ATP11B: variants seen among roughly 807,000 people sequenced by gnomAD.
ATP11B encodes the protein ATPase phospholipid transporting 11B (putative), also known as phospholipid-transporting ATPase IF.
ATP11B carries 81 observed loss-of-function variants against 157.8 expected under a neutral mutation model. The ratio of observed to expected loss-of-function variants is 0.51; its 90% CI spans 0.43 to 0.62. The LOEUF (loss-of-function observed/expected upper bound fraction) is 0.62, where lower values mean the gene tolerates loss of function less well. ATP11B is among the 20% of genes least tolerant of loss of function. The probability of loss-of-function intolerance (pLI) is 0.00; values close to 1 mark genes in which losing one functional copy is unlikely to be tolerated. For missense variants in ATP11B, 1,165 were observed against 1,402.2 expected (o/e 0.83, Z 2.70); for synonymous variants, 451 against 469.4 (o/e 0.96, Z 0.51).
At chr3:182,917,839 C>T in intron 29 of ATP11B, 184 bp from the exon 30 acceptor site, 1 of 981,438 alleles carries the variant, frequency 1.0e-6, no homozygotes, top group Non-Finnish European at 1.2e-6. Flanking sequence ...CATTATTTTT[C>T]CCAAGTTTTT....
chr3:182,900,963 C>T (rs778914537), intron 28 of ATP11B, among the ~76,000 whole-genome samples: 17 of 151,784 alleles, frequency 1.1e-4, no homozygotes, highest in Non-Finnish European at 2.5e-4. Context: ...AGGTGGATCA[C>T]GAGGTCAGGA....
intron 25 of ATP11B, among the ~76,000 whole-genome samples, chr3:182,896,113 G>T (rs551247977): frequency 6.6e-6 from 1 of 152,272 alleles, no homozygotes; most frequent in South Asian, 2.1e-4. Context: ...GGGGTTCTGC[G>T]TGATTAATAC....
chr3:182,868,691 A>G (rs973354942), intron 15 of ATP11B, among the ~76,000 whole-genome samples: 6 of 152,310 alleles, frequency 3.9e-5, no homozygotes, highest in Non-Finnish European at 5.9e-5. Flanking sequence ...TTTTAGTCAG[A>G]AAAACATGGA....
At chr3:182,846,507 C>T (rs139660432) in intron 9 of ATP11B, among the ~76,000 whole-genome samples, 19 of 152,128 alleles carry the variant, frequency 1.2e-4, no homozygotes, top group African/African-American at 2.2e-4. Flanking sequence ...AGTGTTCAAA[C>T]GAAAACTTCT....
At chr3:182,907,816 A>T (rs189806026) in intron 28 of ATP11B, among the ~76,000 whole-genome samples, 53 of 152,318 alleles carry the variant, frequency 3.5e-4, no homozygotes, top group Admixed American at 8.5e-4. Context: ...TGGATATTTC[A>T]TATGATGTGG....
At chr3:182,892,574 CT>C (rs529868305) in intron 25 of ATP11B, among the ~76,000 whole-genome samples, 1 of 150,896 alleles carries the variant, frequency 6.6e-6, no homozygotes, top group African/African-American at 2.4e-5. Flanking sequence ...GACTTTATCC[CT>C]TTTTTTTTGT....
At position 182,896,705 on chromosome 3, in the gene ATP11B, T is replaced by C. The variant is rs4859142; in HGVS notation, c.2988T>C (p.Phe996=). The C allele has an allele frequency of 0.11, 176,641 of 1,609,716 alleles. 11,745 individuals are homozygous for C. Among genetic ancestry groups the C allele is most frequent in the African/African-American group, 0.31 (23,313 of 74,762 alleles). The change falls in exon 26 of 30, where the codon TTT becomes TTC. Residue 996 remains phenylalanine, a synonymous_variant. Transcript: ENST00000323116. ...AGTGTATTCTTTCTGTTTAGATGTT[T>C]GGAAACTGGACATTTGGCACTTTGG... The part of the protein sequence containing the change: ...DTSLLGNGQM[F]GNWTFGTLVF...
At chr3:182,872,781 A>G (rs1721760371) in intron 18 of ATP11B, among the ~76,000 whole-genome samples, 1 of 152,218 alleles carries the variant, frequency 6.6e-6, no homozygotes, top group Non-Finnish European at 1.5e-5. Flanking sequence ...AATCTTTAGA[A>G]TACTCCTCAG....
At position 182,857,910 on chromosome 3, in the gene ATP11B, T is replaced by C; in HGVS notation, c.884T>C (p.Val295Ala). 1 of 1,556,022 alleles carries C rather than the reference T, an allele frequency of 6.4e-7. No individual in the cohort carries two copies. The highest frequency in any genetic ancestry group is 8.9e-7 in the Non-Finnish European group (1 of 1,129,312). ...AATACATTTTTGATAATTTATCTAG[T>C]AATTCTTATATCTGAAGCTGTCATC... is the stretch of plus-strand genomic sequence containing the variant. ...SMNTFLIIYLVILISEAVIST... is the reference protein window; with the variant it reads ...SMNTFLIIYLAILISEAVIST... Residue 295 changes from valine (V) to alanine (A), a missense_variant, in exon 11 of 30, where the codon GTA (valine) becomes GCA (alanine). Physicochemically the swap from Val to Ala is moderately conservative, Grantham distance 64. Coordinates refer to ENST00000323116, the MANE Select transcript of ATP11B (RefSeq NM_014616.3).
intron 21 of ATP11B, among the ~76,000 whole-genome samples, chr3:182,883,954 C>CAAAAA (rs1170838231): frequency 1.6e-4 from 10 of 63,376 alleles, no homozygotes; most frequent in African/African-American, 3.6e-4. Context: ...GACTCCGTCT[C>CAAAAA]AAAAAAAAAA....
intron 28 of ATP11B, among the ~76,000 whole-genome samples, chr3:182,899,772 C>G (rs1414836153): frequency 2.6e-5 from 4 of 152,070 alleles, no homozygotes; most frequent in African/African-American, 9.7e-5. Flanking sequence ...GAAATAATTT[C>G]CAAATACTTA....
intron 17 of ATP11B, among the ~76,000 whole-genome samples, chr3:182,869,652 G>T (rs576327608): frequency 6.6e-6 from 1 of 152,172 alleles, no homozygotes; most frequent in South Asian, 2.1e-4. Context: ...ACATATTGCT[G>T]GTAAGATTAT....
intron 4 of ATP11B, chr3:182,833,917 A>G (rs1439331809): frequency 6.6e-6 from 1 of 152,206 alleles, no homozygotes; most frequent in East Asian, 1.9e-4. Flanking sequence ...AAAGTACTAC[A>G]AGGTAATAGA....
rs571374867 is a variant in ATP11B at position 182,899,091 on chromosome 3, A to G, written c.3318+319A>G. Among the ~76,000 whole-genome samples the G allele has an allele frequency of 2.0e-3, 303 of 151,742 alleles. 1 individual carries two copies. The highest frequency in any genetic ancestry group is 7.0e-3 in the African/African-American group (289 of 41,356). ...TTTTAAAGTAATATCACAGCATTCT[A>G]TCATATATATATAATGAAGATCTAT... On this transcript the variant is annotated intron_variant, in intron 28 of 29. Coordinates refer to ENST00000323116, the MANE Select transcript of ATP11B (RefSeq NM_014616.3).
In ATP11B at chr3:182,845,009, T is replaced by TTTTTA. The variant is rs1560081871; in HGVS notation, c.705-445_705-444insATTTT. On this transcript the variant is annotated intron_variant, in intron 8 of 29. Coordinates refer to ENST00000323116, the MANE Select transcript of ATP11B (RefSeq NM_014616.3). The stretch of plus-strand genomic sequence containing the variant: ...TTTTTTTTTTATTTTTTTTTTTATT[T>TTTTTA]TTTTTTATTTTTGAGATGGAGTCTC... Among the ~76,000 whole-genome samples, 11 of 112,100 alleles carry TTTTTA rather than the reference T, an allele frequency of 9.8e-5. 2 individuals are homozygous for TTTTTA. The highest frequency in any genetic ancestry group is 2.7e-4 in the South Asian group (1 of 3,650). The allele number at this position is 112,100 out of a possible 152,430, so 73.5% of individuals were successfully genotyped here.
intron 4 of ATP11B, chr3:182,830,078 A>G: frequency 9.0e-6 from 4 of 445,292 alleles, no homozygotes; most frequent in Non-Finnish European, 1.2e-5. Context: ...GTTTGGTGAT[A>G]TTTAAAGGAA....
chr3:182,914,678 ATT>A, intron 29 of ATP11B: 2 of 985,378 alleles, frequency 2.0e-6, no homozygotes, highest in Non-Finnish European at 2.4e-6. Context: ...CTTGAATGAG[ATT>A]TATCACCATG....
chr3:182,848,652 TA>T (rs1719729125), intron 10 of ATP11B, 95 bp downstream of exon 10: 1 of 509,380 alleles, frequency 2.0e-6, no homozygotes. Flanking sequence ...ATATATTAAG[TA>T]AACAGAATGA....
chr3:182,869,088 C>T lies in ATP11B; in HGVS notation c.1699C>T (p.Leu567Phe), dbSNP rs1721456147. The T allele has an allele frequency of 6.2e-7, 1 of 1,608,404 alleles. No homozygotes were observed. Among genetic ancestry groups the T allele is most frequent in the African/African-American group, 1.3e-5 (1 of 74,740 alleles). ...CTTTCTTTTGTTTAGGTACAAACTG[C>T]TTCATATTCTGGAATTTGATTCAGA... ...TLGKLERYKL[L>F]HILEFDSDRR... The change falls in exon 16 of 30, where the codon CTT (leucine) becomes TTT (phenylalanine). Residue 567 changes from leucine to phenylalanine, a missense_variant. By Grantham distance (22) the Leu-to-Phe change is conservative. Coordinates refer to ENST00000323116, the MANE Select transcript of ATP11B (RefSeq NM_014616.3).
Sources: allele counts gnomAD v4.1 joint callset (sites outside exome capture counted in the v4.1 genomes callset), GRCh38; gene constraint gnomAD v4.1.1; transcripts MANE v1.5; gene names NCBI Gene and HGNC (gene_info 2026-07-23, HGNC 2026-07-21).